TMEM98: variants seen among roughly 807,000 people sequenced by gnomAD.
TMEM98 encodes transmembrane protein 98.
TMEM98 carries 18 observed loss-of-function variants against 25.0 expected under a neutral mutation model. That is an observed-to-expected ratio of 0.72 (90% CI 0.50 to 1.07). The LOEUF (loss-of-function observed/expected upper bound fraction) is 1.07. Ranked by LOEUF, TMEM98 falls within the 50% of genes least tolerant of loss-of-function variation. TMEM98 has a pLI of 0.00. For missense variants in TMEM98, 241 were observed against 289.0 expected, an observed-to-expected ratio of 0.83 and a Z score of 1.20; for synonymous variants, 103 against 112.4, an observed-to-expected ratio of 0.92 and a Z score of 0.53.
At chr17:32,935,295 A>G (rs2091490195) in intron 5 of TMEM98, among the ~76,000 whole-genome samples, 3 of 152,230 alleles carry the variant, frequency 2.0e-5, no homozygotes, top group African/African-American at 7.2e-5. Context: ...GGTTATTGAT[A>G]GAGCTAGGTA....
intron 3 of TMEM98, among the ~76,000 whole-genome samples, chr17:32,932,094 ATTT>A (rs774760952): frequency 6.0e-4 from 71 of 118,970 alleles, no homozygotes; most frequent in Middle Eastern, 4.3e-3. Context: ...TGCACAGCAG[ATTT>A]TTTTTTTTTT....
chr17:32,940,712 TC>T, intron 7 of TMEM98, 73 bp from the exon 8 acceptor site: 1 of 1,413,740 alleles, frequency 7.1e-7, no homozygotes, highest in Non-Finnish European at 9.7e-7. Context: ...AGTCAAAAAG[TC>T]TATCTATTTG....
In TMEM98 at chr17:32,932,165, A is replaced by G. The variant is rs143042790; in HGVS notation, c.131+506A>G. 3.4e-5 allele frequency among the ~76,000 whole-genome samples: 5 copies of G among 148,764 alleles called. No homozygotes were observed. In the East Asian group the frequency reaches 7.9e-4, roughly 24 times the overall value. On this transcript the variant is annotated intron_variant, in intron 3 of 7. Transcript: ENST00000579849. Reference sequence around the variant, plus strand: ...GCCCAGGCTGGAGTGCAATGGTGCAATCTTGGCTCACTGCAACCTCCGCCT... The same window carrying G: ...GCCCAGGCTGGAGTGCAATGGTGCAGTCTTGGCTCACTGCAACCTCCGCCT...
chr17:32,937,236 T>G (rs1488414864), intron 6 of TMEM98, among the ~76,000 whole-genome samples: 3 of 152,198 alleles, frequency 2.0e-5, no homozygotes, highest in Non-Finnish European at 4.4e-5. Flanking sequence ...ATGGCACTGC[T>G]GTGAGTTCCA....
intron 5 of TMEM98, among the ~76,000 whole-genome samples, chr17:32,935,822 T>C (rs963369288): frequency 1.3e-5 from 2 of 152,164 alleles, no homozygotes; most frequent in African/African-American, 4.8e-5. Flanking sequence ...TTTCCTAAGG[T>C]CCTTTCATCA....
chr17:32,933,545 T>C (rs1461850351), intron 4 of TMEM98, among the ~76,000 whole-genome samples: 1 of 152,218 alleles, frequency 6.6e-6, no homozygotes. Context: ...CAAAGGTTGT[T>C]ATAAAGTCAC....
intron 6 of TMEM98, among the ~76,000 whole-genome samples, chr17:32,937,186 C>T (rs1284751073): frequency 3.3e-5 from 5 of 152,232 alleles, no homozygotes; most frequent in East Asian, 1.9e-4. Context: ...CTGGCCCCTC[C>T]GCCCACCCGG....
chr17:32,939,355 T>G, intron 6 of TMEM98, 122 bp from the exon 7 acceptor site: 21 of 943,366 alleles, frequency 2.2e-5, no homozygotes, highest in South Asian at 3.1e-5. Flanking sequence ...TGCAGTGAGC[T>G]GAGATAGCAC....
intron 5 of TMEM98, 100 bp downstream of exon 5, chr17:32,934,424 C>A (rs893121143): frequency 3.0e-6 from 4 of 1,326,396 alleles, no homozygotes; most frequent in South Asian, 2.5e-5. Context: ...ACTGACCTCT[C>A]GCAAGAGGCC....
At chr17:32,933,682 TG>T (rs1217964043) in intron 4 of TMEM98, among the ~76,000 whole-genome samples, 1 of 152,240 alleles carries the variant, frequency 6.6e-6, no homozygotes, top group East Asian at 1.9e-4. Context: ...GAGAAGCGGC[TG>T]CTACTTCATT....
intron 6 of TMEM98, 163 bp downstream of exon 6, chr17:32,936,610 C>T (rs904704931): frequency 1.6e-5 from 10 of 635,144 alleles, no homozygotes; most frequent in Middle Eastern, 3.0e-4. Context: ...GTTTAGATAC[C>T]GAGACTTCTC....
chr17:32,938,932 CTG>C (rs1383545035), intron 6 of TMEM98, among the ~76,000 whole-genome samples: 1 of 152,150 alleles, frequency 6.6e-6, no homozygotes, highest in Non-Finnish European at 1.5e-5. Flanking sequence ...ATATGTATGA[CTG>C]TATTTTAAAA....
At chr17:32,938,427 CT>C (rs1382197819) in intron 6 of TMEM98, among the ~76,000 whole-genome samples, 1 of 152,164 alleles carries the variant, frequency 6.6e-6, no homozygotes, top group Non-Finnish European at 1.5e-5. Flanking sequence ...TTGAGGCCAT[CT>C]TTTTTTCAAG....
chr17:32,939,400 C>G lies in TMEM98; in HGVS notation c.414-77C>G, dbSNP rs1029782299. 4 of 1,453,642 alleles carry G rather than the reference C, an allele frequency of 2.8e-6. No individual in the cohort carries two copies. In the Admixed American group the frequency reaches 7.6e-5, roughly 28 times the overall value. 90.0% of individuals were successfully genotyped at this position (1,453,642 alleles called of 1,614,324 possible). ...CCAGCCTGGGTGACAGAGCGAGACT[C>G]TGTCTCAGGAAAAAAAAAAAAAGGA... is the stretch of plus-strand genomic sequence containing the variant. On this transcript the variant is annotated intron_variant, in intron 6 of 7. Transcript: ENST00000579849.
chr17:32,941,042 G>A lies in TMEM98; in HGVS notation c.*49G>A, dbSNP rs764762297. On this transcript the variant is annotated 3_prime_UTR_variant, in exon 8 of 8. Coordinates refer to ENST00000579849, the MANE Select transcript of TMEM98 (RefSeq NM_015544.3). ...ATGAAGGCCCCTGCCGCCATCCCTG[G>A]ATGGCTCAGCTTAGCCTTCTACTTT... The A allele has an allele frequency of 1.1e-5, 16 of 1,504,692 alleles. No homozygotes were observed. In the Admixed American group the frequency reaches 2.4e-4, roughly 23 times the overall value. The allele number at this position is 1,504,692 out of a possible 1,614,324, so 93.2% of individuals were successfully genotyped here.
Position 32,931,383 on chromosome 17 carries a change from CAA to C in TMEM98, c.-73_-72del. The C allele has an allele frequency of 8.9e-7, 1 of 1,124,662 alleles. No homozygotes were observed. The highest frequency in any genetic ancestry group is 1.2e-6 in the Non-Finnish European group (1 of 813,004). The allele number at this position is 1,124,662 out of a possible 1,614,324, so 69.7% of individuals were successfully genotyped here. ...ACCTAGCACCTGCCATCCTCTTCCC[CAA>C]TTTGCCACTTCCAGCAGGTAAGACC... On this transcript the variant is annotated 5_prime_UTR_variant, in exon 2 of 8. Coordinates refer to ENST00000579849, the MANE Select transcript of TMEM98 (RefSeq NM_015544.3).
In TMEM98 at chr17:32,933,308, A is replaced by G; in HGVS notation, c.263+3A>G. The G allele has an allele frequency of 6.2e-7, 1 of 1,614,054 alleles. No homozygotes were observed. The highest frequency in any genetic ancestry group is 8.5e-7 in the Non-Finnish European group (1 of 1,179,946). On this transcript the variant is annotated splice_donor_region_variant and intron_variant, in intron 4 of 7. Transcript: ENST00000579849. ...GAAGACTGGATCGAAGATGCCTCGT[A>G]AGGCCATGGGAACTGTTTGCTTCCG...
intron 6 of TMEM98, among the ~76,000 whole-genome samples, 175 bp from the exon 7 acceptor site, chr17:32,939,302 G>C (rs1239600608): frequency 6.6e-6 from 1 of 152,156 alleles, no homozygotes; most frequent in African/African-American, 2.4e-5. Context: ...AGCTACTTGG[G>C]AAGCTGAGGC....
Position 32,937,182 on chromosome 17 carries a change from C to T in TMEM98, c.413+735C>T, listed in dbSNP as rs898092974. On this transcript the variant is annotated intron_variant, in intron 6 of 7. Coordinates refer to ENST00000579849, the MANE Select transcript of TMEM98 (RefSeq NM_015544.3). ...TGTTTTCCACGTCAGCCACCTGGCC[C>T]CTCCGCCCACCCGGGAGGGCACCTC... Among the ~76,000 whole-genome samples, 4 of 152,198 alleles carry T rather than the reference C, an allele frequency of 2.6e-5. No homozygotes were observed. The South Asian group carries it at 6.2e-4, about 24-fold the overall frequency.
Sources: gnomAD v4.1 joint callset for allele counts (sites outside exome capture counted in the v4.1 genomes callset) on GRCh38, gnomAD v4.1.1 for gene constraint, MANE v1.5 for transcripts, NCBI Gene and HGNC (gene_info 2026-07-23, HGNC 2026-07-21) for gene names.